Variants in TRHDE observed in about 807,000 individuals in gnomAD.
TRHDE encodes the protein thyrotropin releasing hormone degrading enzyme, also known as thyrotropin-releasing hormone-degrading ectoenzyme.
In TRHDE, 72 loss-of-function variants were observed where a neutral mutation model predicts 125.7. The ratio of observed to expected loss-of-function variants is 0.57; its 90% CI spans 0.47 to 0.70. The LOEUF (loss-of-function observed/expected upper bound fraction) is 0.70. Ranked by LOEUF, TRHDE falls within the 30% of genes least tolerant of loss-of-function variation. TRHDE has a pLI of 0.00. For synonymous variants in TRHDE, 509 were observed against 509.1 expected (o/e 1.00, Z 0.00); for missense variants, 1,110 against 1,327.1 (o/e 0.84, Z 2.54).
chr12:72,363,030 A>G (rs553573095), intron 2 of TRHDE, among the ~76,000 whole-genome samples: 45 of 152,070 alleles, frequency 3.0e-4, no homozygotes, highest in African/African-American at 1.1e-3. Flanking sequence ...TTGGCTTAGG[A>G]TTGACTTGGC....
chr12:72,332,284 A>C (rs12819989), intron 2 of TRHDE, among the ~76,000 whole-genome samples: 1 of 152,036 alleles, frequency 6.6e-6, no homozygotes, highest in African/African-American at 2.4e-5. Context: ...GACTACAGGC[A>C]CCCGCCACCA....
At chr12:72,526,300 C>A (rs1868336607) in intron 6 of TRHDE, among the ~76,000 whole-genome samples, 1 of 152,018 alleles carries the variant, frequency 6.6e-6, no homozygotes, top group South Asian at 2.1e-4. Context: ...GGATTGATTT[C>A]TTTACACATT....
Position 72,202,541 on chromosome 12 carries a change from T to C in TRHDE, n.279+96789T>C, listed in dbSNP as rs115051619. On this transcript the variant is annotated intron_variant and non_coding_transcript_variant, in intron 2 of 4. Transcript: ENST00000548156. Reference sequence around the variant, plus strand: ...TAAGATTGGTTTTAGCTTCACTTCTTCTAGTTCGATATTTCTGCATTATCC... The same window carrying C: ...TAAGATTGGTTTTAGCTTCACTTCTCCTAGTTCGATATTTCTGCATTATCC... Among the ~76,000 whole-genome samples, 524 of 152,322 alleles carry C rather than the reference T, an allele frequency of 3.4e-3. 1 individual carries two copies. Among genetic ancestry groups the C allele is most frequent in the African/African-American group, 0.012 (483 of 41,574 alleles).
intron 5 of TRHDE, among the ~76,000 whole-genome samples, chr12:72,489,424 G>A (rs1193725607): frequency 6.6e-6 from 1 of 151,790 alleles, no homozygotes; most frequent in Non-Finnish European, 1.5e-5. Context: ...ATTACCGAAA[G>A]CAATGTACAG....
chr12:72,343,594 G>A (rs1870180355), intron 2 of TRHDE, among the ~76,000 whole-genome samples: 1 of 152,048 alleles, frequency 6.6e-6, no homozygotes, highest in African/African-American at 2.4e-5. Flanking sequence ...TCAATTTTAT[G>A]TGTTCTCTCC....
intron 2 of TRHDE, among the ~76,000 whole-genome samples, chr12:72,153,570 T>C (rs1876423889): frequency 1.3e-5 from 2 of 152,196 alleles, no homozygotes; most frequent in African/African-American, 4.8e-5. Flanking sequence ...GCTTTGAATG[T>C]GTCCCAGAGA....
chr12:72,608,187 C>A (rs987014781), intron 12 of TRHDE, among the ~76,000 whole-genome samples: 2 of 152,102 alleles, frequency 1.3e-5, no homozygotes, highest in South Asian at 2.1e-4. Context: ...TACTCCCATG[C>A]GCCATATGCC....
intron 2 of TRHDE, among the ~76,000 whole-genome samples, chr12:72,351,265 G>T (rs1397494085): frequency 6.6e-6 from 1 of 151,844 alleles, no homozygotes; most frequent in Non-Finnish European, 1.5e-5. Context: ...GGTTAAATGG[G>T]GTCATATATT....
chr12:72,228,706 T>C (rs949230752), intron 2 of TRHDE, among the ~76,000 whole-genome samples: 1 of 152,188 alleles, frequency 6.6e-6, no homozygotes, highest in Non-Finnish European at 1.5e-5. Flanking sequence ...ACCATGTCTT[T>C]GTGAATGAAT....
chr12:72,589,801 ATTC>A (rs1481226179), intron 12 of TRHDE, among the ~76,000 whole-genome samples: 1 of 151,622 alleles, frequency 6.6e-6, no homozygotes, highest in Admixed American at 6.6e-5. Context: ...CTTTTTTGTG[ATTC>A]TTTTAATTAG....
chr12:72,131,018 C>T (rs1413831503), intron 2 of TRHDE, among the ~76,000 whole-genome samples: 1 of 150,656 alleles, frequency 6.6e-6, no homozygotes, highest in African/African-American at 2.4e-5. Context: ...CAGTGCCTTA[C>T]GATGTCTGTT....
At chr12:72,256,555 A>G (rs1413209463) in intron 2 of TRHDE, 1 of 152,184 alleles carries the variant, frequency 6.6e-6, no homozygotes, top group African/African-American at 2.4e-5. Flanking sequence ...CAAGATCAGA[A>G]TTTTAATCTG....
intron 5 of TRHDE, among the ~76,000 whole-genome samples, chr12:72,487,642 G>A (rs1328089822): frequency 6.6e-6 from 1 of 152,016 alleles, no homozygotes; most frequent in African/African-American, 2.4e-5. Flanking sequence ...ACTTAAAGAA[G>A]TTCTTCAAAT....
At chr12:72,637,492 T>G (rs1472655020) in intron 15 of TRHDE, among the ~76,000 whole-genome samples, 1 of 152,122 alleles carries the variant, frequency 6.6e-6, no homozygotes. Flanking sequence ...GTTTTTTGTG[T>G]CTCTATGTCC....
intron 6 of TRHDE, among the ~76,000 whole-genome samples, chr12:72,536,429 C>T (rs1175127350): frequency 1.3e-5 from 2 of 152,098 alleles, no homozygotes; most frequent in Non-Finnish European, 2.9e-5. Flanking sequence ...GAAGAGGCGT[C>T]AGGTTGATAG....
chr12:72,478,994 C>A (rs893285890), intron 5 of TRHDE, among the ~76,000 whole-genome samples: 2 of 149,264 alleles, frequency 1.3e-5, no homozygotes, highest in Admixed American at 1.3e-4. Flanking sequence ...GTTAAACTAG[C>A]TTTCACTGAG....
At chr12:72,601,565 G>A (rs6582092) in intron 12 of TRHDE, among the ~76,000 whole-genome samples, 40,051 of 151,992 alleles carry the variant, frequency 0.26, 7,972 homozygotes, top group East Asian at 0.54. Context: ...CTACAAAGAC[G>A]TCTTCCATGA....
rs999507373 is a variant in TRHDE at position 72,146,716 on chromosome 12, T to G, written n.279+40964T>G. On this transcript the variant is annotated intron_variant and non_coding_transcript_variant, in intron 2 of 4. Coordinates refer to the TRHDE transcript ENST00000548156. ...TCCCGTGTTACAAAGCTCTTTCAGCTTTGCCGTCCGCAGACGGCTTCAGTG... is the reference window on the plus strand; with the variant it reads ...TCCCGTGTTACAAAGCTCTTTCAGCGTTGCCGTCCGCAGACGGCTTCAGTG... 2.0e-5 allele frequency among the ~76,000 whole-genome samples: 3 copies of G among 152,208 alleles called. No homozygotes were observed. In the South Asian group the frequency reaches 6.2e-4, roughly 32 times the overall value.
chr12:72,660,944 G>A (rs533343804), intron 18 of TRHDE, among the ~76,000 whole-genome samples: 1 of 152,100 alleles, frequency 6.6e-6, no homozygotes, highest in Admixed American at 6.5e-5. Flanking sequence ...GCCAGTCAGA[G>A]GCAATTCCAA....
Sources: gnomAD v4.1 joint callset for allele counts (sites outside exome capture counted in the v4.1 genomes callset) on GRCh38, gnomAD v4.1.1 for gene constraint, MANE v1.5 for transcripts, NCBI Gene and HGNC (gene_info 2026-07-23, HGNC 2026-07-21) for gene names.